Variants in CNTN4 observed in about 807,000 individuals in gnomAD.
CNTN4 encodes the protein contactin 4.
Under a neutral mutation model 122.5 loss-of-function variants are expected in CNTN4, and 77 were observed. That is an observed-to-expected ratio of 0.63 (90% CI 0.52 to 0.76). The LOEUF is 0.76. Among genes scored for constraint, CNTN4 ranks in the 30% least tolerant of loss-of-function variants. CNTN4 has a pLI of 0.00. For missense variants in CNTN4, 1,256 were observed against 1,259.1 expected (o/e 1.00, Z 0.04); for synonymous variants, 512 against 447.0 (o/e 1.15, Z -1.83).
At chr3:2,639,484 A>G (rs1192986867) in intron 4 of CNTN4, among the ~76,000 whole-genome samples, 1 of 152,044 alleles carries the variant, frequency 6.6e-6, no homozygotes. Flanking sequence ...ACTTCCCTCC[A>G]CATTCATGGA....
chr3:2,798,136 C>T (rs1227606963), intron 6 of CNTN4, among the ~76,000 whole-genome samples: 3 of 149,622 alleles, frequency 2.0e-5, no homozygotes, highest in Admixed American at 6.7e-5. Flanking sequence ...TATGTACACA[C>T]GTTTTAGCTC....
intron 2 of CNTN4, among the ~76,000 whole-genome samples, chr3:2,272,475 A>C (rs2041337230): frequency 6.6e-6 from 1 of 152,222 alleles, no homozygotes; most frequent in African/African-American, 2.4e-5. Context: ...GCAATCACTT[A>C]CTGATGGAGA....
At position 2,574,656 on chromosome 3, in the gene CNTN4, A is replaced by G. The variant is rs147683695; in HGVS notation, c.55+3098A>G. 3.0e-3 allele frequency among the ~76,000 whole-genome samples: 451 copies of G among 152,246 alleles called. 3 individuals carry two copies. The highest frequency in any genetic ancestry group is 0.011 in the African/African-American group (437 of 41,494). On this transcript the variant is annotated intron_variant, in intron 4 of 24. Coordinates refer to ENST00000418658, the MANE Select transcript of CNTN4 (RefSeq NM_175607.3). The stretch of plus-strand genomic sequence containing the variant: ...TCTTCTTCTTCACCAATTTAAACTC[A>G]AGATCATAAAACCCTGCTACCTAAA...
chr3:2,911,523 A>G (rs1225565317), intron 12 of CNTN4, among the ~76,000 whole-genome samples: 1 of 152,188 alleles, frequency 6.6e-6, no homozygotes, highest in African/African-American at 2.4e-5. Flanking sequence ...ATAATAAAGC[A>G]CACAAAGAAA....
chr3:2,552,160 G>A (rs145430354), intron 3 of CNTN4, among the ~76,000 whole-genome samples: 63 of 152,220 alleles, frequency 4.1e-4, no homozygotes, highest in African/African-American at 1.4e-3. Flanking sequence ...ACTTAAATGG[G>A]TTCATAGATC....
chr3:2,524,422 G>A (rs998425090), intron 3 of CNTN4, among the ~76,000 whole-genome samples: 2 of 152,040 alleles, frequency 1.3e-5, no homozygotes, highest in African/African-American at 2.4e-5. Flanking sequence ...TATTTTGACT[G>A]TTGTGAACAG....
intron 2 of CNTN4, among the ~76,000 whole-genome samples, chr3:2,264,567 A>T (rs765164530): frequency 8.5e-5 from 13 of 152,184 alleles, no homozygotes; most frequent in African/African-American, 3.1e-4. Flanking sequence ...TTTGTAAGTT[A>T]TCTCTTCACT....
chr3:2,133,145 T>G (rs959315913), intron 2 of CNTN4, among the ~76,000 whole-genome samples: 2 of 152,292 alleles, frequency 1.3e-5, no homozygotes, highest in African/African-American at 4.8e-5. Flanking sequence ...TAAGGGTTGG[T>G]TGGAACTTCA....
intron 4 of CNTN4, among the ~76,000 whole-genome samples, chr3:2,716,705 T>A (rs889466105): frequency 6.6e-6 from 1 of 152,164 alleles, no homozygotes; most frequent in African/African-American, 2.4e-5. Flanking sequence ...TTTGTGAAAC[T>A]ATCACCACTA....
intron 2 of CNTN4, among the ~76,000 whole-genome samples, chr3:2,237,631 T>C (rs1466894480): frequency 1.3e-5 from 2 of 151,974 alleles, no homozygotes; most frequent in African/African-American, 4.8e-5. Flanking sequence ...TAATATAACC[T>C]TCTTGAAGGT....
chr3:2,871,533 AC>A (rs1327151755), intron 8 of CNTN4, among the ~76,000 whole-genome samples: 49 of 152,236 alleles, frequency 3.2e-4, no homozygotes, highest in African/African-American at 1.2e-3. Flanking sequence ...CTTTTCTAAA[AC>A]ATAGAGTTTT....
At chr3:2,773,128 G>C (rs929504574) in intron 6 of CNTN4, among the ~76,000 whole-genome samples, 1 of 108,020 alleles carries the variant, frequency 9.3e-6, no homozygotes, top group Admixed American at 8.1e-5. Flanking sequence ...ATCTTTTGGT[G>C]GGGGGGGTTG....
At chr3:2,258,350 C>A (rs1201529068) in intron 2 of CNTN4, among the ~76,000 whole-genome samples, 1 of 152,138 alleles carries the variant, frequency 6.6e-6, no homozygotes, top group Non-Finnish European at 1.5e-5. Flanking sequence ...ACCCAAATGC[C>A]CATCAGTGAT....
chr3:2,715,892 A>G (rs946366703), intron 4 of CNTN4, among the ~76,000 whole-genome samples: 6 of 152,216 alleles, frequency 3.9e-5, no homozygotes, highest in Non-Finnish European at 8.8e-5. Flanking sequence ...GGATAGCAAC[A>G]TCTGAATTTT....
chr3:2,804,714 A>G (rs761649165), intron 6 of CNTN4, among the ~76,000 whole-genome samples: 4 of 150,346 alleles, frequency 2.7e-5, no homozygotes, highest in Non-Finnish European at 5.9e-5. Context: ...AGCTCACCCA[A>G]CCACACCCAC....
In CNTN4 at chr3:2,682,509, G is replaced by A. The variant is rs1323157655; in HGVS notation, c.56-53706G>A. On this transcript the variant is annotated intron_variant, in intron 4 of 24. Coordinates refer to ENST00000418658, the MANE Select transcript of CNTN4 (RefSeq NM_175607.3). Reference sequence around the variant, plus strand: ...GGATTCTTTCTAAGGTAATCCACGTGCATTTAGTTTACAGACCCCCACTTC... The same window carrying A: ...GGATTCTTTCTAAGGTAATCCACGTACATTTAGTTTACAGACCCCCACTTC... Among the ~76,000 whole-genome samples, 3 of 152,124 alleles carry A rather than the reference G, an allele frequency of 2.0e-5. 1 individual carries two copies. Among genetic ancestry groups the A allele is most frequent in the Admixed American group, 2.0e-4 (3 of 15,262 alleles).
chr3:2,337,020 G>C (rs1217444638), intron 2 of CNTN4, among the ~76,000 whole-genome samples: 1 of 152,124 alleles, frequency 6.6e-6, no homozygotes, highest in Non-Finnish European at 1.5e-5. Flanking sequence ...AGAACATAGG[G>C]CTGGTCTTTT....
chr3:2,861,023 T>C (rs1253438488), intron 7 of CNTN4, among the ~76,000 whole-genome samples: 1 of 152,184 alleles, frequency 6.6e-6, no homozygotes, highest in Non-Finnish European at 1.5e-5. Context: ...ATCAATCCAT[T>C]TACGAAAAGA....
At chr3:2,549,064 G>T (rs1455352964) in intron 3 of CNTN4, among the ~76,000 whole-genome samples, 1 of 152,156 alleles carries the variant, frequency 6.6e-6, no homozygotes, top group African/African-American at 2.4e-5. Flanking sequence ...ATCAGCTTAA[G>T]GAGATTTGGA....
Sources: gnomAD v4.1 joint callset for allele counts (sites outside exome capture counted in the v4.1 genomes callset) on GRCh38, gnomAD v4.1.1 for gene constraint, MANE v1.5 for transcripts, NCBI Gene and HGNC (gene_info 2026-07-23, HGNC 2026-07-21) for gene names.